Variants in RTKN2 observed in about 807,000 individuals in gnomAD.
The protein encoded by RTKN2 is rhotekin 2.
In RTKN2, 69 loss-of-function variants were observed where a neutral mutation model predicts 71.5. That is an observed-to-expected ratio of 0.96 (90% confidence interval 0.79 to 1.18). RTKN2 has a LOEUF of 1.18. RTKN2 is among the 50% of genes most tolerant of loss of function. The pLI, the probability that RTKN2 is intolerant of heterozygous loss-of-function variation, is 0.00. For synonymous variants in RTKN2, 236 were observed against 236.5 expected (o/e 1.00, Z 0.02); for missense variants, 724 against 719.7 (o/e 1.01, Z -0.07).
intron 6 of RTKN2, among the ~76,000 whole-genome samples, chr10:62,229,917 CAGTT>C (rs1243170706): frequency 6.6e-6 from 1 of 152,104 alleles, no homozygotes; most frequent in Non-Finnish European, 1.5e-5. Flanking sequence ...CCTCTAAAAA[CAGTT>C]AAACTATGAT....
chr10:62,214,973 CT>C, intron 9 of RTKN2: 1 of 782,526 alleles, frequency 1.3e-6, no homozygotes, highest in Non-Finnish European at 2.0e-6. Flanking sequence ...TATTTCTTCA[CT>C]TGTAAAAGAA....
chr10:62,208,040 T>G (rs1407212755), intron 9 of RTKN2, among the ~76,000 whole-genome samples: 1 of 152,146 alleles, frequency 6.6e-6, no homozygotes, highest in Non-Finnish European at 1.5e-5. Flanking sequence ...CTGCAATTTT[T>G]CACTCCATGA....
chr10:62,198,676 T>C (rs1398821469), intron 11 of RTKN2, among the ~76,000 whole-genome samples: 1 of 151,958 alleles, frequency 6.6e-6, no homozygotes, highest in Admixed American at 6.6e-5. Context: ...ATATAAAACA[T>C]ATATAACATA....
At chr10:62,260,521 G>T (rs993291885) in intron 2 of RTKN2, among the ~76,000 whole-genome samples, 2 of 133,142 alleles carry the variant, frequency 1.5e-5, no homozygotes, top group Non-Finnish European at 3.2e-5. Flanking sequence ...TTACATGAAT[G>T]ATGAACAAAT....
At chr10:62,226,548 T>G (rs1026279022) in intron 6 of RTKN2, among the ~76,000 whole-genome samples, 10 of 152,204 alleles carry the variant, frequency 6.6e-5, no homozygotes, top group African/African-American at 2.2e-4. Flanking sequence ...AAACAATGCA[T>G]GAGTACATTT....
intron 9 of RTKN2, among the ~76,000 whole-genome samples, 169 bp from the exon 10 acceptor site, chr10:62,205,191 C>G (rs554713961): frequency 6.6e-6 from 1 of 152,136 alleles, no homozygotes; most frequent in African/African-American, 2.4e-5. Context: ...TATTCAAACT[C>G]CAATCTAGGT....
intron 2 of RTKN2, among the ~76,000 whole-genome samples, chr10:62,254,632 G>A (rs1842641108): frequency 6.6e-6 from 1 of 152,032 alleles, no homozygotes; most frequent in Non-Finnish European, 1.5e-5. Context: ...ATTTTAAATT[G>A]TGTCATAAAG....
At chr10:62,258,403 G>C (rs1053619019) in intron 2 of RTKN2, among the ~76,000 whole-genome samples, 1 of 152,176 alleles carries the variant, frequency 6.6e-6, no homozygotes, top group African/African-American at 2.4e-5. Flanking sequence ...AGCACTTTGA[G>C]TGAAGATCTA....
intron 2 of RTKN2, among the ~76,000 whole-genome samples, chr10:62,256,824 C>T (rs796610466): frequency 5.3e-5 from 8 of 151,750 alleles, no homozygotes; most frequent in South Asian, 2.1e-4. Flanking sequence ...GTAATTTTTA[C>T]GTATGTAAAT....
At chr10:62,252,964 C>G (rs1204934001) in intron 2 of RTKN2, among the ~76,000 whole-genome samples, 1 of 151,950 alleles carries the variant, frequency 6.6e-6, no homozygotes, top group Non-Finnish European at 1.5e-5. Context: ...ATAATACACA[C>G]AGTTAACATA....
At chr10:62,265,867 AAAG>A (rs1210635891) in intron 1 of RTKN2, among the ~76,000 whole-genome samples, 1 of 152,316 alleles carries the variant, frequency 6.6e-6, no homozygotes, top group Middle Eastern at 3.4e-3. Flanking sequence ...TATTAACCTC[AAAG>A]AAGATGAGTA....
Position 62,195,020 on chromosome 10 carries a change from G to A in RTKN2, c.*2888C>T. 1.0e-6 allele frequency: 1 copy of A among 985,152 alleles called. No individual in the cohort carries two copies. 61.0% of individuals were successfully genotyped at this position (985,152 alleles called of 1,614,324 possible). A position where few individuals can be genotyped will look rare whatever the true frequency, so the allele number is the denominator to read the frequency against. On this transcript the variant is annotated 3_prime_UTR_variant, in exon 12 of 12. Coordinates refer to ENST00000373789, the MANE Select transcript of RTKN2 (RefSeq NM_145307.4). ...ATTTACCTTAGGAGGTGTGCATTTAGAATTTTAAAAATGCCTTCTTTGCCC... is the reference window on the plus strand; with the variant it reads ...ATTTACCTTAGGAGGTGTGCATTTAAAATTTTAAAAATGCCTTCTTTGCCC...
Position 62,204,856 on chromosome 10 carries a change from C to A in RTKN2, c.1186+1G>T. 1 of 1,556,920 alleles carries A rather than the reference C, an allele frequency of 6.4e-7. No homozygotes were observed. The highest frequency in any genetic ancestry group is 8.6e-7 in the Non-Finnish European group (1 of 1,158,244). The stretch of plus-strand genomic sequence containing the variant: ...CTAAAAAAATCCAAATATCTATTTA[C>A]TAAGATCAAAGAAATGCTGCCAGAA... On this transcript the variant is annotated splice_donor_variant, in intron 10 of 11. Coordinates refer to ENST00000373789, the MANE Select transcript of RTKN2 (RefSeq NM_145307.4). LOFTEE classifies it high-confidence loss of function.
intron 7 of RTKN2, among the ~76,000 whole-genome samples, chr10:62,221,219 C>T (rs1841898807): frequency 6.6e-6 from 1 of 151,188 alleles, no homozygotes; most frequent in Non-Finnish European, 1.5e-5. Context: ...CTTGCATTGT[C>T]TGAGAAAAGC....
At chr10:62,256,471 T>G (rs1212150773) in intron 2 of RTKN2, among the ~76,000 whole-genome samples, 1 of 152,228 alleles carries the variant, frequency 6.6e-6, no homozygotes, top group Non-Finnish European at 1.5e-5. Flanking sequence ...TTCTGACAAC[T>G]TGGTAAAATT....
intron 9 of RTKN2, among the ~76,000 whole-genome samples, chr10:62,207,814 C>T (rs185303671): frequency 2.8e-4 from 42 of 152,188 alleles, no homozygotes; most frequent in African/African-American, 9.4e-4. Flanking sequence ...TTGATAGACC[C>T]AGATCCTAGA....
chr10:62,245,876 A>C, intron 3 of RTKN2, 123 bp downstream of exon 3: 2 of 638,074 alleles, frequency 3.1e-6, no homozygotes, highest in Non-Finnish European at 5.6e-6. Flanking sequence ...TTTAGAACAA[A>C]TATTCTGATA....
In RTKN2 at chr10:62,193,177, C is replaced by T. The variant is rs1009418315; in HGVS notation, c.*4731G>A. ...AACAAAATATAAAAATATTTTTAAG[C>T]AAGACACCAAAAAGTATTCATTTTC... On this transcript the variant is annotated 3_prime_UTR_variant, in exon 12 of 12. Coordinates refer to ENST00000373789, the MANE Select transcript of RTKN2 (RefSeq NM_145307.4). 1.3e-6 allele frequency: 1 copy of T among 798,550 alleles called. No homozygotes were observed. The highest frequency in any genetic ancestry group is 1.9e-5 in the African/African-American group (1 of 53,398). 49.5% of individuals were successfully genotyped at this position (798,550 alleles called of 1,614,324 possible). A position where few individuals can be genotyped will look rare whatever the true frequency, so the allele number is the denominator to read the frequency against.
chr10:62,261,869 G>A (rs1842780566), intron 2 of RTKN2, among the ~76,000 whole-genome samples: 1 of 152,058 alleles, frequency 6.6e-6, no homozygotes, highest in Non-Finnish European at 1.5e-5. Flanking sequence ...CTCTTCCCTT[G>A]TGTCAGAGCT....
Sources: allele counts gnomAD v4.1 joint callset (sites outside exome capture counted in the v4.1 genomes callset), GRCh38; gene constraint gnomAD v4.1.1; transcripts MANE v1.5; gene names NCBI Gene and HGNC (gene_info 2026-07-23, HGNC 2026-07-21).